GARS1: variants seen among roughly 807,000 people sequenced by gnomAD.
GARS1 encodes glycyl-tRNA synthetase 1, also known as glycine--tRNA ligase.
Under a neutral mutation model 86.4 loss-of-function variants are expected in GARS1, and 46 were observed. That is an observed-to-expected ratio of 0.53 (90% CI 0.42 to 0.68). GARS1 has a LOEUF of 0.68. GARS1 is among the 30% of genes least tolerant of loss of function. GARS1 has a pLI of 0.00. For missense variants in GARS1, 797 were observed against 915.6 expected, an observed-to-expected ratio of 0.87 and a Z score of 1.67; for synonymous variants, 342 against 329.8, an observed-to-expected ratio of 1.04 and a Z score of -0.40.
intron 8 of GARS1, among the ~76,000 whole-genome samples, chr7:30,614,690 C>T (rs960798337): frequency 4.6e-5 from 7 of 151,916 alleles, no homozygotes; most frequent in African/African-American, 1.7e-4. Context: ...TCCTGGCTAA[C>T]ACAGTGAAAC....
chr7:30,608,126 G>A (rs1327910298), intron 6 of GARS1, among the ~76,000 whole-genome samples: 1 of 152,156 alleles, frequency 6.6e-6, no homozygotes, highest in African/African-American at 2.4e-5. Flanking sequence ...TAACATTACA[G>A]ATAATGCTGC....
intron 1 of GARS1, among the ~76,000 whole-genome samples, chr7:30,597,960 T>C (rs369319348): frequency 2.0e-5 from 3 of 152,204 alleles, no homozygotes; most frequent in African/African-American, 7.2e-5. Flanking sequence ...GGAATTAGTA[T>C]AAGTTGTTGG....
chr7:30,624,430 A>C (rs1783084148), intron 12 of GARS1, among the ~76,000 whole-genome samples: 1 of 152,246 alleles, frequency 6.6e-6, no homozygotes, highest in Admixed American at 6.5e-5. Context: ...TATTTAAAGT[A>C]ATATGGAATT....
intron 10 of GARS1, among the ~76,000 whole-genome samples, chr7:30,620,140 AT>A (rs1422955100): frequency 5.4e-5 from 8 of 147,538 alleles, no homozygotes; most frequent in Non-Finnish European, 1.2e-4. Context: ...AAAAAAAAAA[AT>A]GAATCTTCTT....
In GARS1 at chr7:30,594,912, C is replaced by A; in HGVS notation, c.-10C>A. On this transcript the variant is annotated 5_prime_UTR_variant, in exon 1 of 17. Transcript: ENST00000389266. ...GCCACCCTCTCTGGACAGCCCAGGG[C>A]CGCAGGCTCATGCCCTCTCCGCGTC... 1 of 1,559,952 alleles carries A rather than the reference C, an allele frequency of 6.4e-7. No homozygotes were observed. The highest frequency in any genetic ancestry group is 8.6e-7 in the Non-Finnish European group (1 of 1,159,556).
rs761744469 is a variant in GARS1 at position 30,633,876 on chromosome 7, C to T, written c.*16C>T. The stretch of plus-strand genomic sequence containing the variant: ...CGAGGAATGAGGACAATTTTGACAA[C>T]TTTTGACCACTTGCGCTAATAAAAA... On this transcript the variant is annotated 3_prime_UTR_variant, in exon 17 of 17. Transcript: ENST00000389266. 1.4e-6 allele frequency: 2 copies of T among 1,406,930 alleles called. No individual in the cohort carries two copies. Among genetic ancestry groups the T allele is most frequent in the Non-Finnish European group, 1.9e-6 (2 of 1,034,928 alleles). The allele number at this position is 1,406,930 out of a possible 1,614,324, so 87.2% of individuals were successfully genotyped here.
At chr7:30,616,374 T>C (rs1443431867) in intron 9 of GARS1, among the ~76,000 whole-genome samples, 1 of 152,210 alleles carries the variant, frequency 6.6e-6, no homozygotes, top group Non-Finnish European at 1.5e-5. Context: ...GGAGACAGCA[T>C]TGGACCCACA....
At chr7:30,618,547 TC>T (rs1782934168) in intron 10 of GARS1, among the ~76,000 whole-genome samples, 1 of 151,968 alleles carries the variant, frequency 6.6e-6, no homozygotes, top group South Asian at 2.1e-4. Flanking sequence ...GGTGGGAAGA[TC>T]ACATGAGCCC....
At position 30,622,370 on chromosome 7, in the gene GARS1, A is replaced by G. The variant is rs2128135199; in HGVS notation, c.1521A>G (p.Ala507=). 1 of 1,614,204 alleles carries G rather than the reference A, an allele frequency of 6.2e-7. No homozygotes were observed. The highest frequency in any genetic ancestry group is 8.5e-7 in the Non-Finnish European group (1 of 1,180,018). Residue 507 remains alanine (A), a synonymous_variant, in exon 12 of 17, where the codon GCA becomes GCG. Coordinates refer to ENST00000389266, the MANE Select transcript of GARS1 (RefSeq NM_002047.4). ...CCAGTAAGGGAGCAATTGGTAAGGC[A>G]TATAAGAAGGATGCAAAACTGGTGA... is the stretch of plus-strand genomic sequence containing the variant. The part of the protein sequence containing the change: ...FEPSKGAIGK[A]YKKDAKLVME...
Position 30,612,166 on chromosome 7 carries a change from A to G in GARS1, c.952A>G (p.Lys318Glu). 6.2e-7 allele frequency: 1 copy of G among 1,614,084 alleles called. No individual in the cohort carries two copies. Among genetic ancestry groups the G allele is most frequent in the Non-Finnish European group, 8.5e-7 (1 of 1,179,952 alleles). The change falls in exon 8 of 17, where the codon AAG (lysine) becomes GAG (glutamate). Residue 318 changes from lysine to glutamate, a missense_variant. Lys to Glu is a moderately conservative substitution (Grantham distance 56, BLOSUM62 1). Coordinates refer to ENST00000389266, the MANE Select transcript of GARS1 (RefSeq NM_002047.4). ...FKRLLEFNQG[K>E]LPFAAAQIGN... ...ACGACTTTTGGAGTTCAACCAAGGA[A>G]AGTTGCCTTTTGCTGCTGCCCAGAT...
At chr7:30,607,889 GAC>G (rs775068472) in intron 6 of GARS1, among the ~76,000 whole-genome samples, 10 of 151,950 alleles carry the variant, frequency 6.6e-5, no homozygotes, top group Non-Finnish European at 1.0e-4. Flanking sequence ...TATAAACAAA[GAC>G]ATATAGATAT....
chr7:30,609,754 T>A (rs1453809709), intron 7 of GARS1, 24 bp downstream of exon 7: 1 of 1,611,108 alleles, frequency 6.2e-7, no homozygotes, highest in Admixed American at 1.7e-5. Flanking sequence ...ATTGTTTACC[T>A]GTTTATGTAA....
At chr7:30,596,241 C>G (rs191415216) in intron 1 of GARS1, among the ~76,000 whole-genome samples, 328 of 152,304 alleles carry the variant, frequency 2.2e-3, no homozygotes, top group African/African-American at 7.3e-3. Flanking sequence ...AGCCACTTTG[C>G]CATCTGTCCT....
At position 30,632,442 on chromosome 7, in the gene GARS1, C is replaced by G; in HGVS notation, c.2094+5C>G. On this transcript the variant is annotated splice_donor_5th_base_variant and intron_variant, in intron 16 of 16. Coordinates refer to ENST00000389266, the MANE Select transcript of GARS1 (RefSeq NM_002047.4). This position sits in a 1 kb window ranked among gnomAD's most constrained non-coding sequence, Gnocchi z 4.1. ...ATGCGGCAGATAAGAGCAGAGGTAT[C>G]TGGCCTTCTCTTTGGCATTTTTAGC... is the stretch of plus-strand genomic sequence containing the variant. 6.2e-7 allele frequency: 1 copy of G among 1,614,068 alleles called. No homozygotes were observed. Among genetic ancestry groups the G allele is most frequent in the Non-Finnish European group, 8.5e-7 (1 of 1,179,944 alleles).
rs1313937488 is a variant in GARS1 at position 30,598,834 on chromosome 7, C to G, written c.261C>G (p.Pro87=). 6.2e-7 allele frequency: 1 copy of G among 1,613,980 alleles called. No individual in the cohort carries two copies. Among genetic ancestry groups the G allele is most frequent in the East Asian group, 2.2e-5 (1 of 44,896 alleles). The change falls in exon 2 of 17, where the codon CCC becomes CCG. Residue 87 remains proline, a synonymous_variant. Coordinates refer to ENST00000389266, the MANE Select transcript of GARS1 (RefSeq NM_002047.4). The part of the protein sequence containing the change: ...LVRKLKEDKA[P]QVDVDKAVAE... ...GAAAACTCAAAGAAGATAAAGCACCCCAAGTAGACGTAGACAAAGCAGTGG... is the reference window on the plus strand; with the variant it reads ...GAAAACTCAAAGAAGATAAAGCACCGCAAGTAGACGTAGACAAAGCAGTGG...
Position 30,602,988 on chromosome 7 carries a change from T to C in GARS1, c.570-46T>C, listed in dbSNP as rs768578301. The stretch of plus-strand genomic sequence containing the variant: ...TATCTTATAAGGTAATATCTATGTG[T>C]AATTTGTATGAGAATGACAAATTGG... On this transcript the variant is annotated intron_variant, in intron 4 of 16. Transcript: ENST00000389266. The C allele has an allele frequency of 3.1e-5, 39 of 1,256,270 alleles. No individual in the cohort carries two copies. In the East Asian group the frequency reaches 8.8e-4, roughly 28 times the overall value. The allele number at this position is 1,256,270 out of a possible 1,614,324, so 77.8% of individuals were successfully genotyped here.
chr7:30,608,872 C>T (rs1213150590), intron 6 of GARS1, among the ~76,000 whole-genome samples: 1 of 152,100 alleles, frequency 6.6e-6, no homozygotes, highest in Non-Finnish European at 1.5e-5. Context: ...CTCGAAGCTT[C>T]AGTTATTATG....
chr7:30,620,110 A>G (rs1411633235), intron 10 of GARS1, among the ~76,000 whole-genome samples: 1 of 120,744 alleles, frequency 8.3e-6, no homozygotes, highest in Non-Finnish European at 1.7e-5. Flanking sequence ...AATTTCCCCA[A>G]ACTCTTTGGA....
At chr7:30,616,207 A>G in intron 9 of GARS1, 149 bp downstream of exon 9, 2 of 810,312 alleles carry the variant, frequency 2.5e-6, no homozygotes, top group Non-Finnish European at 2.0e-6. Context: ...AATTTGTTAT[A>G]CAGTATTATT....
Sources: gnomAD v4.1 joint callset for allele counts (sites outside exome capture counted in the v4.1 genomes callset) on GRCh38, gnomAD v4.1.1 for gene constraint, Gnocchi (gnomAD v3.1) non-coding constraint, MANE v1.5 for transcripts, NCBI Gene and HGNC (gene_info 2026-07-23, HGNC 2026-07-21) for gene names.